Variants in COL1A2 observed in about 807,000 individuals in gnomAD.
COL1A2 encodes the protein collagen alpha-2(I) chain.
Under a neutral mutation model 174.3 loss-of-function variants are expected in COL1A2, and 49 were observed. The ratio of observed to expected loss-of-function variants is 0.28; its 90% CI spans 0.22 to 0.36. The LOEUF (loss-of-function observed/expected upper bound fraction) is 0.36. COL1A2 is among the 10% of genes least tolerant of loss of function. The pLI, the probability that COL1A2 is intolerant of heterozygous loss-of-function variation, is 1.00. For synonymous variants in COL1A2, 655 were observed against 606.6 expected, an observed-to-expected ratio of 1.08 and a Z score of -1.17; for missense variants, 1,438 against 1,822.7, an observed-to-expected ratio of 0.79 and a Z score of 3.84.
chr7:94,418,175 A>G (rs1453034227), intron 32 of COL1A2, among the ~76,000 whole-genome samples: 1 of 152,222 alleles, frequency 6.6e-6, no homozygotes, highest in East Asian at 1.9e-4. Context: ...CGTAAGAGTG[A>G]TCAGGCGCTG....
At chr7:94,400,143 T>C (rs780090471) in intron 4 of COL1A2, 53 bp from the exon 5 acceptor site, 3 of 1,530,596 alleles carry the variant, frequency 2.0e-6, no homozygotes, top group African/African-American at 2.7e-5. Context: ...ATATAATTCT[T>C]AGGTTTCTAC....
rs1242650501 is a variant in COL1A2 at position 94,426,860 on chromosome 7, T to C, written c.3106-148T>C. 7 of 727,098 alleles carry C rather than the reference T, an allele frequency of 9.6e-6. No individual in the cohort carries two copies. In the East Asian group the frequency reaches 1.9e-4, roughly 19 times the overall value. The allele number at this position is 727,098 out of a possible 1,614,324, so 45.0% of individuals were successfully genotyped here. ...AAAAAATTGAATATAATAGACATAA[T>C]GGGAGAAAAGAGCCCCACTTTACAT... On this transcript the variant is annotated intron_variant, in intron 46 of 51. Coordinates refer to ENST00000297268, the MANE Select transcript of COL1A2 (RefSeq NM_000089.4).
rs752650272 is a variant in COL1A2 at position 94,412,051 on chromosome 7, C to G, written c.1351-17C>G. On this transcript the variant is annotated splice_polypyrimidine_tract_variant and intron_variant, in intron 23 of 51. Coordinates refer to ENST00000297268, the MANE Select transcript of COL1A2 (RefSeq NM_000089.4). ...AGTTAAAGTGCCAATATAAAAACAT[C>G]CTCATTTATTTTATAGGGTCTTCCT... 53 of 1,604,390 alleles carry G rather than the reference C, an allele frequency of 3.3e-5. No homozygotes were observed. In the South Asian group the frequency reaches 5.6e-4, roughly 17 times the overall value.
intron 1 of COL1A2, chr7:94,395,734 T>A (rs965235242): frequency 1.3e-5 from 2 of 158,814 alleles, no homozygotes; most frequent in East Asian, 3.8e-4. Flanking sequence ...GCATTTCTGG[T>A]TGGAGCCTTT....
chr7:94,397,843 A>G (rs1357093078), intron 2 of COL1A2, 85 bp downstream of exon 2: 12 of 790,448 alleles, frequency 1.5e-5, no homozygotes, highest in East Asian at 7.7e-5. Context: ...GGAAGAAGTT[A>G]CATTAATATT....
chr7:94,419,425 A>G, intron 33 of COL1A2, 73 bp from the exon 34 acceptor site: 1 of 1,548,904 alleles, frequency 6.5e-7, no homozygotes, highest in Non-Finnish European at 8.9e-7. Context: ...AAGCACAGAA[A>G]AAAAGAATGA....
intron 49 of COL1A2, among the ~76,000 whole-genome samples, 190 bp downstream of exon 49, chr7:94,428,075 C>T (rs1490085189): frequency 6.6e-6 from 1 of 152,156 alleles, no homozygotes; most frequent in Non-Finnish European, 1.5e-5. Flanking sequence ...TGTATTTTTG[C>T]ACTTTTCATA....
At chr7:94,420,762 A>G in intron 37 of COL1A2, 114 bp downstream of exon 37, 1 of 1,026,166 alleles carries the variant, frequency 9.7e-7, no homozygotes, top group Non-Finnish European at 1.5e-6. Context: ...TAGAAGATGG[A>G]AAATAACGGA....
At chr7:94,429,122 T>C in intron 50 of COL1A2, 66 bp from the exon 51 acceptor site, 1 of 1,247,816 alleles carries the variant, frequency 8.0e-7, no homozygotes, top group South Asian at 1.4e-5. Flanking sequence ...TTTTTTTTTT[T>C]CATGTTTGAC....
At position 94,404,734 on chromosome 7, in the gene COL1A2, A is replaced by T; in HGVS notation, c.366A>T (p.Glu122Asp). The T allele has an allele frequency of 6.2e-7, 1 of 1,614,100 alleles. No homozygotes were observed. Among genetic ancestry groups the T allele is most frequent in the Non-Finnish European group, 8.5e-7 (1 of 1,180,002 alleles). Residue 122 changes from glutamate (E) to aspartate (D), a missense_variant, in exon 8 of 52, where the codon GAA becomes GAT. This residue lies in a region of COL1A2 where 281 missense variants were observed against 310.9 expected (regional missense o/e 0.90). Transcript: ENST00000297268. ...AAGGACCTGCTGGTGAGCCTGGTGAACCTGGTCAAACTGTGAGTACATTTT... is the reference window on the plus strand; with the variant it reads ...AAGGACCTGCTGGTGAGCCTGGTGATCCTGGTCAAACTGTGAGTACATTTT... ...GFQGPAGEPGEPGQTGPAGAR... is the reference protein window; with the variant it reads ...GFQGPAGEPGDPGQTGPAGAR...
chr7:94,397,367 T>C (rs887535067), intron 1 of COL1A2, among the ~76,000 whole-genome samples: 4 of 152,154 alleles, frequency 2.6e-5, no homozygotes, highest in African/African-American at 9.6e-5. Flanking sequence ...ATGATCAAAA[T>C]CATAAATTAT....
rs764155573 is a variant in COL1A2, at chr7:94,405,745, C to G, written c.540+19C>G. On this transcript the variant is annotated intron_variant, in intron 11 of 51. Transcript: ENST00000297268. Reference sequence around the variant, plus strand: ...CATTAGGGTGAGCACATTCTTTACTCAGAAGAGAGAAAATGCCTATTAATT... The same window carrying G: ...CATTAGGGTGAGCACATTCTTTACTGAGAAGAGAGAAAATGCCTATTAATT... 4.4e-6 allele frequency: 7 copies of G among 1,604,698 alleles called. No individual in the cohort carries two copies. The highest frequency in any genetic ancestry group is 3.3e-5 in the Admixed American group (2 of 59,996).
In COL1A2 at chr7:94,429,230, A is replaced by G. The variant is rs761465504; in HGVS notation, c.3754A>G (p.Thr1252Ala). 2.4e-5 allele frequency: 38 copies of G among 1,612,620 alleles called. No homozygotes were observed. The Middle Eastern group carries it at 4.9e-4, about 21-fold the overall frequency. Residue 1252 changes from threonine to alanine, a missense_variant, in exon 51 of 52, where the codon ACC (threonine) becomes GCC (alanine). Thr to Ala is a moderately conservative substitution (Grantham distance 58). Transcript: ENST00000297268. ...AGGAGTGACTTCCAAGGAAATGGCT[A>G]CCCAACTTGCCTTCATGCGCCTGCT... ...VEGVTSKEMA[T>A]QLAFMRLLAN... is the part of the protein sequence containing the mutation.
intron 31 of COL1A2, chr7:94,417,490 A>T (rs978186530): frequency 9.5e-6 from 5 of 527,574 alleles, no homozygotes; most frequent in Non-Finnish European, 1.4e-5. Context: ...GAAGCAGGTT[A>T]TAGAGGAATC....
rs1792331037 is a variant in COL1A2, at chr7:94,428,384, C to T, written c.3618C>T (p.Ala1206=). 3.7e-6 allele frequency: 6 copies of T among 1,614,046 alleles called. No individual in the cohort carries two copies. Among genetic ancestry groups the T allele is most frequent in the Non-Finnish European group, 5.1e-6 (6 of 1,179,972 alleles). Residue 1206 remains alanine, a synonymous_variant, in exon 50 of 52, where the codon GCC becomes GCT. Coordinates refer to ENST00000297268, the MANE Select transcript of COL1A2 (RefSeq NM_000089.4). ...DFSTGETCIR[A]QPENIPAKNW... ...CTACTGGCGAAACCTGTATCCGGGC[C>T]CAACCTGAAAACATCCCAGCCAAGA...
intron 4 of COL1A2, 24 bp from the exon 5 acceptor site, chr7:94,400,172 C>A: frequency 6.2e-7 from 1 of 1,610,710 alleles, no homozygotes; most frequent in Non-Finnish European, 8.5e-7. Context: ...TCTAACCTGA[C>A]CTTACTCACT....
In COL1A2 at chr7:94,425,640, C is replaced by A; in HGVS notation, c.2812C>A (p.Arg938Ser). 7 of 1,614,058 alleles carry A rather than the reference C, an allele frequency of 4.3e-6. No homozygotes were observed. The highest frequency in any genetic ancestry group is 5.9e-6 in the Non-Finnish European group (7 of 1,179,990). The change falls in exon 43 of 52, where the codon CGC (arginine) becomes AGC (serine). Residue 938 changes from arginine to serine, a missense_variant. By Grantham distance (110) the Arg-to-Ser change is moderately radical. Coordinates refer to ENST00000297268, the MANE Select transcript of COL1A2 (RefSeq NM_000089.4). The stretch of plus-strand genomic sequence containing the variant: ...CCCTGGGAACGATGGTCCCCCAGGT[C>A]GCGATGGTCAACCCGGACACAAGGT... ...GNPGNDGPPG[R>S]DGQPGHKGER...
Position 94,405,675 on chromosome 7 carries a change from T to A in COL1A2, c.489T>A (p.Gly163=). The A allele has an allele frequency of 6.2e-7, 1 of 1,612,216 alleles. No homozygotes were observed. The highest frequency in any genetic ancestry group is 8.5e-7 in the Non-Finnish European group (1 of 1,178,264). The change falls in exon 11 of 52, where the codon GGT becomes GGA. Residue 163 remains glycine, a splice_region_variant and synonymous_variant. Coordinates refer to ENST00000297268, the MANE Select transcript of COL1A2 (RefSeq NM_000089.4). The stretch of plus-strand genomic sequence containing the variant: ...CATCTTCTGTATTTCTTTCTAAGGG[T>A]GCTCGTGGTTTCCCTGGAACTCCTG... The part of the protein sequence containing the change: ...PGERGVVGPQ[G]ARGFPGTPGL...
chr7:94,417,667 G>T (rs1792070023), intron 31 of COL1A2, 57 bp from the exon 32 acceptor site: 2 of 1,418,550 alleles, frequency 1.4e-6, no homozygotes, highest in East Asian at 2.5e-5. Flanking sequence ...TCTAGAGTTT[G>T]ATTCTTCATT....
Sources: gnomAD v4.1 joint callset for allele counts (sites outside exome capture counted in the v4.1 genomes callset) on GRCh38, gnomAD v4.1.1 for gene constraint, gnomAD v4.1.1 regional missense constraint, MANE v1.5 for transcripts, NCBI Gene and HGNC (gene_info 2026-07-23, HGNC 2026-07-21) for gene names.